The following NRG3 variants were observed in gnomAD, a reference collection of about 807,000 sequenced individuals.
NRG3 encodes pro-neuregulin-3, membrane-bound isoform.
In NRG3, 31 loss-of-function variants were observed where a neutral mutation model predicts 66.9. The ratio of observed to expected loss-of-function variants is 0.46; its 90% CI spans 0.35 to 0.63. The LOEUF is 0.63. NRG3 is among the 20% of genes least tolerant of loss of function. The probability of loss-of-function intolerance (pLI) is 0.00; values close to 1 mark genes in which losing one functional copy is unlikely to be tolerated. For missense variants in NRG3, 910 were observed against 878.9 expected, an observed-to-expected ratio of 1.04 and a Z score of -0.45; for synonymous variants, 393 against 359.4, an observed-to-expected ratio of 1.09 and a Z score of -1.06.
At chr10:82,579,567 T>C (rs1219624309) in intron 2 of NRG3, among the ~76,000 whole-genome samples, 2 of 151,964 alleles carry the variant, frequency 1.3e-5, no homozygotes, top group Non-Finnish European at 2.9e-5. Flanking sequence ...CAAGAACACA[T>C]GTATGTGTTA....
Position 81,967,515 on chromosome 10 carries a change from C to T in NRG3, c.823+91352C>T, listed in dbSNP as rs74580142. On this transcript the variant is annotated intron_variant, in intron 1 of 8. Transcript: ENST00000372141. The stretch of plus-strand genomic sequence containing the variant: ...ATTTTCATTGTGGTGGGTGAAAAGT[C>T]GTATGCATATTAGATCAAATTATTA... 1.1e-3 allele frequency among the ~76,000 whole-genome samples: 170 copies of T among 151,890 alleles called. 2 individuals carry two copies. The East Asian group carries it at 0.031, about 28-fold the overall frequency.
intron 1 of NRG3, among the ~76,000 whole-genome samples, chr10:82,138,411 G>T (rs2069520339): frequency 6.6e-6 from 1 of 152,118 alleles, no homozygotes; most frequent in Admixed American, 6.6e-5. Flanking sequence ...CACCTCTTCT[G>T]ATTAAAGCAA....
At chr10:82,342,103 A>G (rs1459140558) in intron 1 of NRG3, among the ~76,000 whole-genome samples, 1 of 151,628 alleles carries the variant, frequency 6.6e-6, no homozygotes, top group Admixed American at 6.6e-5. Flanking sequence ...TATATGATAT[A>G]TATATATGGA....
At chr10:82,799,096 A>G (rs969341229) in intron 3 of NRG3, among the ~76,000 whole-genome samples, 10 of 152,234 alleles carry the variant, frequency 6.6e-5, no homozygotes, top group Admixed American at 2.6e-4. Flanking sequence ...AGTACCTGCT[A>G]TATGCCAGGG....
intron 1 of NRG3, among the ~76,000 whole-genome samples, chr10:82,117,240 C>T (rs1381847998): frequency 6.6e-6 from 1 of 152,120 alleles, no homozygotes; most frequent in Admixed American, 6.6e-5. Flanking sequence ...CAGCTCTTGG[C>T]CACATTTGTA....
At chr10:82,050,620 G>A (rs2063545869) in intron 1 of NRG3, among the ~76,000 whole-genome samples, 1 of 152,022 alleles carries the variant, frequency 6.6e-6, no homozygotes, top group South Asian at 2.1e-4. Context: ...CTCAGTCTTA[G>A]TTTTTATTGG....
intron 2 of NRG3, among the ~76,000 whole-genome samples, chr10:82,364,103 G>A (rs188361603): frequency 1.5e-4 from 23 of 152,050 alleles, no homozygotes; most frequent in Admixed American, 4.6e-4. Flanking sequence ...TGTAACACCC[G>A]GTTAAGAGAG....
At chr10:82,316,477 C>G (rs1465451946) in intron 1 of NRG3, among the ~76,000 whole-genome samples, 2 of 152,106 alleles carry the variant, frequency 1.3e-5, no homozygotes, top group East Asian at 3.9e-4. Flanking sequence ...AATTCAGTAG[C>G]TGCTGCTTTT....
chr10:82,948,617 C>T (rs1430936073), intron 4 of NRG3, among the ~76,000 whole-genome samples: 2 of 152,058 alleles, frequency 1.3e-5, no homozygotes, highest in Non-Finnish European at 2.9e-5. Flanking sequence ...TTTCAATGTA[C>T]AAGACTTGTG....
chr10:82,318,237 G>A (rs1423169029), intron 1 of NRG3, among the ~76,000 whole-genome samples: 1 of 152,096 alleles, frequency 6.6e-6, no homozygotes, highest in Non-Finnish European at 1.5e-5. Context: ...TCATCTTGTA[G>A]CCATCTTATT....
chr10:82,375,580 C>A (rs575300819), intron 2 of NRG3, among the ~76,000 whole-genome samples: 2 of 151,860 alleles, frequency 1.3e-5, no homozygotes, highest in South Asian at 4.2e-4. Context: ...ACTAGGAAAG[C>A]TGTAATGTGT....
intron 2 of NRG3, among the ~76,000 whole-genome samples, chr10:82,635,278 G>C (rs1170916620): frequency 2.0e-5 from 3 of 152,082 alleles, no homozygotes; most frequent in African/African-American, 7.2e-5. Context: ...AACCCACGTA[G>C]TTATTTGAAA....
In NRG3 at chr10:82,556,482, T is replaced by C. The variant is rs1025614797; in HGVS notation, c.954-182095T>C. On this transcript the variant is annotated intron_variant, in intron 2 of 8. Coordinates refer to ENST00000372141, the MANE Select transcript of NRG3 (RefSeq NM_001010848.4). ...ATGGGTATAGTGTGAGAAGTGGGCA[T>C]GTGAGCTGCATTGGCTGGCGGCAGC... 4.6e-5 allele frequency among the ~76,000 whole-genome samples: 7 copies of C among 152,216 alleles called. No homozygotes were observed. The East Asian group carries it at 7.7e-4, about 17-fold the overall frequency.
At chr10:82,681,600 T>C (rs1302775972) in intron 2 of NRG3, among the ~76,000 whole-genome samples, 1 of 152,170 alleles carries the variant, frequency 6.6e-6, no homozygotes, top group Non-Finnish European at 1.5e-5. Context: ...AATTGACAAA[T>C]AAATCAATAC....
In NRG3 at chr10:82,358,717, C is replaced by T. The variant is rs2083933219; in HGVS notation, c.824-22C>T. 1.2e-5 allele frequency: 20 copies of T among 1,613,862 alleles called. No homozygotes were observed. The East Asian group carries it at 4.5e-4, about 36-fold the overall frequency. On this transcript the variant is annotated intron_variant, in intron 1 of 8. Coordinates refer to ENST00000372141, the MANE Select transcript of NRG3 (RefSeq NM_001010848.4). Reference sequence around the variant, plus strand: ...TCAGAATGTACTGCTGACAGCGTTTCCCCCTGTGCTTTCCCTGACAGATAC... The same window carrying T: ...TCAGAATGTACTGCTGACAGCGTTTTCCCCTGTGCTTTCCCTGACAGATAC...
chr10:82,071,816 G>A (rs929176706), intron 1 of NRG3, among the ~76,000 whole-genome samples: 3 of 152,220 alleles, frequency 2.0e-5, no homozygotes, highest in Non-Finnish European at 4.4e-5. Context: ...GAAGGAAAAA[G>A]ATGTTGGGAA....
chr10:82,588,941 T>C lies in NRG3; in HGVS notation c.954-149636T>C, dbSNP rs571624464. Among the ~76,000 whole-genome samples, 3 of 152,330 alleles carry C rather than the reference T, an allele frequency of 2.0e-5. No individual in the cohort carries two copies. In the East Asian group the frequency reaches 5.8e-4, roughly 29 times the overall value. ...CCAGTTTCCCAGAGCCATTCCCTCA[T>C]TCAGGCTGTCTCATATTTGGTTATA... On this transcript the variant is annotated intron_variant, in intron 2 of 8. Transcript: ENST00000372141.
intron 2 of NRG3, among the ~76,000 whole-genome samples, chr10:82,549,765 A>G (rs2044178667): frequency 6.6e-6 from 1 of 152,152 alleles, no homozygotes. Flanking sequence ...TCTGAGGCAT[A>G]TTTATAACAT....
intron 1 of NRG3, among the ~76,000 whole-genome samples, chr10:81,918,452 A>C (rs190631765): frequency 6.6e-6 from 1 of 152,180 alleles, no homozygotes; most frequent in African/African-American, 2.4e-5. Context: ...CAGGTACTCC[A>C]TCATCTGCTT....
Sources: allele counts gnomAD v4.1 joint callset (sites outside exome capture counted in the v4.1 genomes callset), GRCh38; gene constraint gnomAD v4.1.1; transcripts MANE v1.5; gene names NCBI Gene and HGNC (gene_info 2026-07-23, HGNC 2026-07-21).